Variants in GM2A observed in about 807,000 individuals in gnomAD.
The protein encoded by GM2A is GM2 ganglioside activator.
A neutral mutation model predicts 12.9 loss-of-function variants in GM2A; 7 were observed. The ratio of observed to expected loss-of-function variants is 0.54; its 90% CI spans 0.31 to 1.02. The LOEUF (loss-of-function observed/expected upper bound fraction) is 1.02, where lower values mean the gene tolerates loss of function less well. Ranked by LOEUF, GM2A falls within the 50% of genes least tolerant of loss-of-function variation. GM2A has a pLI of 0.05. For missense variants in GM2A, 246 were observed against 241.0 expected, an observed-to-expected ratio of 1.02 and a Z score of -0.14; for synonymous variants, 101 against 96.0, an observed-to-expected ratio of 1.05 and a Z score of -0.30.
At chr5:151,258,531 A>T (rs1302168179) in intron 1 of GM2A, among the ~76,000 whole-genome samples, 2 of 152,176 alleles carry the variant, frequency 1.3e-5, no homozygotes, top group East Asian at 3.8e-4. Context: ...GCTTTTATAG[A>T]TAGGGAAGTG....
intron 1 of GM2A, among the ~76,000 whole-genome samples, chr5:151,256,024 C>T (rs1022206091): frequency 1.3e-5 from 2 of 152,080 alleles, no homozygotes; most frequent in Non-Finnish European, 2.9e-5. Context: ...GACCTTGAGT[C>T]CCTGGGCCAG....
At position 151,266,581 on chromosome 5, in the gene GM2A, A is replaced by G. The variant is rs1374916849; in HGVS notation, c.244-150A>G. On this transcript the variant is annotated intron_variant, in intron 2 of 3. Transcript: ENST00000357164. ...CATGGGCCACAATGTTGCCATTCCT[A>G]GAACAGACTATCTCTAAGATCTCAT... 5.9e-6 allele frequency: 4 copies of G among 680,158 alleles called. No homozygotes were observed. In the African/African-American group the frequency reaches 7.1e-5, roughly 12 times the overall value. The allele number at this position is 680,158 out of a possible 1,614,324, so 42.1% of individuals were successfully genotyped here.
At position 151,269,233 on chromosome 5, in the gene GM2A, A is replaced by G; in HGVS notation, c.*1782A>G. ...CCTGGAATAGCAATAAATCTTTTTAACTTGCGGACAGTTTCCCCTTGCCTT... is the reference window on the plus strand; with the variant it reads ...CCTGGAATAGCAATAAATCTTTTTAGCTTGCGGACAGTTTCCCCTTGCCTT... On this transcript the variant is annotated 3_prime_UTR_variant, in exon 4 of 4. Coordinates refer to ENST00000357164, the MANE Select transcript of GM2A (RefSeq NM_000405.5). The G allele has an allele frequency of 1.0e-6, 1 of 985,430 alleles. No individual in the cohort carries two copies. Among genetic ancestry groups the G allele is most frequent in the Non-Finnish European group, 1.2e-6 (1 of 829,938 alleles). 61.0% of individuals were successfully genotyped at this position (985,430 alleles called of 1,614,324 possible).
chr5:151,259,970 G>T, intron 2 of GM2A, 54 bp downstream of exon 2: 1 of 1,398,054 alleles, frequency 7.2e-7, no homozygotes. Flanking sequence ...GCCAGCAGGG[G>T]TACTGGGGCA....
At chr5:151,255,524 AT>A (rs765977626) in intron 1 of GM2A, among the ~76,000 whole-genome samples, 4 of 152,044 alleles carry the variant, frequency 2.6e-5, no homozygotes, top group Non-Finnish European at 5.9e-5. Context: ...CCCTGTCTCA[AT>A]CCATGGATTT....
In GM2A at chr5:151,268,026, G is replaced by A. The variant is rs1753928403; in HGVS notation, c.*575G>A. 1.9e-6 allele frequency: 2 copies of A among 1,044,830 alleles called. No homozygotes were observed. Among genetic ancestry groups the A allele is most frequent in the Admixed American group, 1.0e-4 (2 of 19,970 alleles). 64.7% of individuals were successfully genotyped at this position (1,044,830 alleles called of 1,614,324 possible). Reference sequence around the variant, plus strand: ...TGGAGAGGTAGGGTGTGTGGGGGAGGAATCCCTTGGGGGAGATATTAGGAG... The same window carrying A: ...TGGAGAGGTAGGGTGTGTGGGGGAGAAATCCCTTGGGGGAGATATTAGGAG... On this transcript the variant is annotated 3_prime_UTR_variant, in exon 4 of 4. Coordinates refer to ENST00000357164, the MANE Select transcript of GM2A (RefSeq NM_000405.5).
rs913637180 is a variant in GM2A at position 151,268,624 on chromosome 5, A to C, written c.*1173A>C. 1.2e-6 allele frequency: 1 copy of C among 823,972 alleles called. No individual in the cohort carries two copies. The highest frequency in any genetic ancestry group is 1.8e-5 in the African/African-American group (1 of 54,112). The allele number at this position is 823,972 out of a possible 1,614,324, so 51.0% of individuals were successfully genotyped here. On this transcript the variant is annotated 3_prime_UTR_variant, in exon 4 of 4. Coordinates refer to ENST00000357164, the MANE Select transcript of GM2A (RefSeq NM_000405.5). Reference sequence around the variant, plus strand: ...TGGAGAGTGCATAGCCAGTCTGTGAAGACAACTGCCAGATACTGGCAATAC... The same window carrying C: ...TGGAGAGTGCATAGCCAGTCTGTGACGACAACTGCCAGATACTGGCAATAC...
Position 151,269,857 on chromosome 5 carries a change from T to C in GM2A, c.*2406T>C, listed in dbSNP as rs1055090856. The C allele has an allele frequency of 6.3e-6, 3 of 475,560 alleles. No individual in the cohort carries two copies. The highest frequency in any genetic ancestry group is 8.7e-6 in the Non-Finnish European group (3 of 346,432). The allele number at this position is 475,560 out of a possible 1,614,324, so 29.5% of individuals were successfully genotyped here. A position where few individuals can be genotyped will look rare whatever the true frequency, so the allele number is the denominator to read the frequency against. ...TCTTCTGCAGCATTCTTCTAATACC[T>C]TTCCTTTTTCAAACCTATACTGTTG... is the stretch of plus-strand genomic sequence containing the variant. On this transcript the variant is annotated 3_prime_UTR_variant, in exon 4 of 4. Coordinates refer to ENST00000357164, the MANE Select transcript of GM2A (RefSeq NM_000405.5).
In GM2A at chr5:151,269,153, C is replaced by A; in HGVS notation, c.*1702C>A. 2.0e-6 allele frequency: 2 copies of A among 985,424 alleles called. No individual in the cohort carries two copies. Among genetic ancestry groups the A allele is most frequent in the Non-Finnish European group, 2.4e-6 (2 of 829,898 alleles). The allele number at this position is 985,424 out of a possible 1,614,324, so 61.0% of individuals were successfully genotyped here. A position where few individuals can be genotyped will look rare whatever the true frequency, so the allele number is the denominator to read the frequency against. On this transcript the variant is annotated 3_prime_UTR_variant, in exon 4 of 4. Transcript: ENST00000357164. ...CCTGGATTTTTCTACCACCCTGTTA[C>A]ATCATAACAACTTCTGAAACACACA... is the stretch of plus-strand genomic sequence containing the variant.
In GM2A at chr5:151,268,003, G is replaced by A. The variant is rs546945897; in HGVS notation, c.*552G>A. 3.7e-6 allele frequency: 4 copies of A among 1,080,868 alleles called. No individual in the cohort carries two copies. In the South Asian group the frequency reaches 1.1e-4, roughly 30 times the overall value. The allele number at this position is 1,080,868 out of a possible 1,614,324, so 67.0% of individuals were successfully genotyped here. ...TAATACTAGGGTGCAGTGTATCCTGGAGAGGTAGGGTGTGTGGGGGAGGAA... is the reference window on the plus strand; with the variant it reads ...TAATACTAGGGTGCAGTGTATCCTGAAGAGGTAGGGTGTGTGGGGGAGGAA... On this transcript the variant is annotated 3_prime_UTR_variant, in exon 4 of 4. Coordinates refer to ENST00000357164, the MANE Select transcript of GM2A (RefSeq NM_000405.5).
intron 2 of GM2A, among the ~76,000 whole-genome samples, chr5:151,264,380 A>G (rs375581395): frequency 2.0e-5 from 3 of 152,078 alleles, no homozygotes; most frequent in East Asian, 1.9e-4. Context: ...AGGAGTAGAG[A>G]TGAGGGAGCC....
intron 1 of GM2A, among the ~76,000 whole-genome samples, chr5:151,256,330 T>C (rs1286504876): frequency 6.6e-6 from 1 of 152,162 alleles, no homozygotes; most frequent in African/African-American, 2.4e-5. Flanking sequence ...CAGGGCGTGG[T>C]GGTTCACCCC....
rs115442732 is a variant in GM2A, at chr5:151,265,177, T to C, written c.244-1554T>C. 4.8e-3 allele frequency among the ~76,000 whole-genome samples: 725 copies of C among 152,062 alleles called. 4 individuals are homozygous for C. Among genetic ancestry groups the C allele is most frequent in the African/African-American group, 0.017 (692 of 41,474 alleles). On this transcript the variant is annotated intron_variant, in intron 2 of 3. Transcript: ENST00000357164. ...GGTGCTGTGTGGCCAGTGGTGGAGATAATGGGTATGTCTTAGGAGCAGATG... is the reference window on the plus strand; with the variant it reads ...GGTGCTGTGTGGCCAGTGGTGGAGACAATGGGTATGTCTTAGGAGCAGATG...
At chr5:151,257,138 T>C (rs1172249767) in intron 1 of GM2A, among the ~76,000 whole-genome samples, 1 of 152,118 alleles carries the variant, frequency 6.6e-6, no homozygotes, top group African/African-American at 2.4e-5. Context: ...GCTGTGCCTT[T>C]CCCCTCCGTC....
intron 2 of GM2A, among the ~76,000 whole-genome samples, chr5:151,266,064 A>G (rs534469284): frequency 6.6e-6 from 1 of 152,332 alleles, no homozygotes; most frequent in East Asian, 1.9e-4. Flanking sequence ...TGGGGCCACG[A>G]CTGGGCTCAG....
intron 2 of GM2A, among the ~76,000 whole-genome samples, chr5:151,265,857 A>C (rs72794170): frequency 6.6e-6 from 1 of 152,176 alleles, no homozygotes; most frequent in Non-Finnish European, 1.5e-5. Context: ...TCCTTGAGGC[A>C]GCTCCATCTG....
At chr5:151,253,381 GC>G in intron 1 of GM2A, 84 bp downstream of exon 1, 1 of 928,320 alleles carries the variant, frequency 1.1e-6, no homozygotes, top group Non-Finnish European at 1.8e-6. Flanking sequence ...TATGGGGGTG[GC>G]CACTCCGTTC....
At chr5:151,253,812 C>T (rs1346341887) in intron 1 of GM2A, among the ~76,000 whole-genome samples, 1 of 152,130 alleles carries the variant, frequency 6.6e-6, no homozygotes, top group Non-Finnish European at 1.5e-5. Context: ...TGGTTATGAG[C>T]CACTGAGACA....
chr5:151,268,182 A>G lies in GM2A; in HGVS notation c.*731A>G, dbSNP rs1753933196. 8 of 913,614 alleles carry G rather than the reference A, an allele frequency of 8.8e-6. No individual in the cohort carries two copies. Among genetic ancestry groups the G allele is most frequent in the Non-Finnish European group, 9.1e-6 (7 of 767,748 alleles). 56.6% of individuals were successfully genotyped at this position (913,614 alleles called of 1,614,324 possible). ...TTCGCTTTTTTTTTTTTTGAGACAGAATCTCACTTTGTCACCAGGCTGGAG... is the reference window on the plus strand; with the variant it reads ...TTCGCTTTTTTTTTTTTTGAGACAGGATCTCACTTTGTCACCAGGCTGGAG... On this transcript the variant is annotated 3_prime_UTR_variant, in exon 4 of 4. Coordinates refer to ENST00000357164, the MANE Select transcript of GM2A (RefSeq NM_000405.5).
Sources: gnomAD v4.1 joint callset for allele counts (sites outside exome capture counted in the v4.1 genomes callset) on GRCh38, gnomAD v4.1.1 for gene constraint, MANE v1.5 for transcripts, NCBI Gene and HGNC (gene_info 2026-07-23, HGNC 2026-07-21) for gene names.